Variants in PIKFYVE observed in about 807,000 individuals in gnomAD.
The protein encoded by PIKFYVE is phosphoinositide kinase, FYVE-type zinc finger containing.
Under a neutral mutation model 257.9 loss-of-function variants are expected in PIKFYVE, and 122 were observed. The observed-to-expected ratio is 0.47, with a 90% CI of 0.41 to 0.55. The LOEUF is 0.55. Ranked by LOEUF, PIKFYVE falls within the 20% of genes least tolerant of loss-of-function variation. The pLI is 0.00. For synonymous variants in PIKFYVE, 892 were observed against 868.9 expected (o/e 1.03, Z -0.47); for missense variants, 2,160 against 2,536.6 (o/e 0.85, Z 3.19).
At chr2:208,351,587 T>C (rs1699777094) in intron 38 of PIKFYVE, 132 bp downstream of exon 38, 1 of 845,554 alleles carries the variant, frequency 1.2e-6, no homozygotes, top group South Asian at 1.3e-5. Flanking sequence ...AGAAAAGAGG[T>C]TTATTTGGCT....
At chr2:208,336,700 A>G in intron 27 of PIKFYVE, 138 bp from the exon 28 acceptor site, 3 of 573,628 alleles carry the variant, frequency 5.2e-6, no homozygotes, top group Non-Finnish European at 9.3e-6. Context: ...ACTCTTATTT[A>G]TATATAACTT....
rs1341770401 is a variant in PIKFYVE, at chr2:208,354,652, A to AG, written c.6181+7_6181+8insG. 6.2e-7 allele frequency: 1 copy of AG among 1,607,154 alleles called. No homozygotes were observed. Among genetic ancestry groups the AG allele is most frequent in the Non-Finnish European group, 8.5e-7 (1 of 1,173,876 alleles). On this transcript the variant is annotated splice_region_variant and intron_variant, in intron 41 of 41. Transcript: ENST00000264380. Reference sequence around the variant, plus strand: ...GGAATTTTAGGTGGACAAGGTGAGAATTTTTGTTTTGTTTAAATTGTTCAC... The same window carrying AG: ...GGAATTTTAGGTGGACAAGGTGAGAAGTTTTTGTTTTGTTTAAATTGTTCAC...
chr2:208,319,877 G>A (rs1033844018), intron 16 of PIKFYVE, among the ~76,000 whole-genome samples: 2 of 151,986 alleles, frequency 1.3e-5, no homozygotes, highest in Non-Finnish European at 2.9e-5. Context: ...ACTAAAATAT[G>A]CTTTTAAAGT....
chr2:208,299,288 T>C (rs1330726989), intron 8 of PIKFYVE, among the ~76,000 whole-genome samples: 2 of 150,804 alleles, frequency 1.3e-5, no homozygotes, highest in Non-Finnish European at 2.9e-5. Context: ...CTTTCTTTCT[T>C]TATTATTATT....
Position 208,326,343 on chromosome 2 carries a change from A to C in PIKFYVE, c.3532A>C (p.Ser1178Arg), listed in dbSNP as rs376424153. The change falls in exon 20 of 42, where the codon AGT becomes CGT. Residue 1178 changes from serine to arginine, a missense_variant. Physicochemically the swap from Ser to Arg is moderately radical, Grantham distance 110. Coordinates refer to ENST00000264380, the MANE Select transcript of PIKFYVE (RefSeq NM_015040.4). ...DPFAHSKDAS[S>R]TSSGQSGSKN... ...TTTTGCTCATTCAAAGGATGCATCA[A>C]GTACTTCAAGTGGCCAATCAGGAAG... is the stretch of plus-strand genomic sequence containing the variant. 1 of 1,613,774 alleles carries C rather than the reference A, an allele frequency of 6.2e-7. No homozygotes were observed. The highest frequency in any genetic ancestry group is 8.5e-7 in the Non-Finnish European group (1 of 1,179,874).
chr2:208,285,273 T>G (rs1274815638), intron 5 of PIKFYVE, among the ~76,000 whole-genome samples: 1 of 152,094 alleles, frequency 6.6e-6, no homozygotes. Context: ...TTTTTGTATT[T>G]TTAGTAGAGA....
chr2:208,338,409 G>T, intron 28 of PIKFYVE, 99 bp from the exon 29 acceptor site: 1 of 1,003,332 alleles, frequency 1.0e-6, no homozygotes. Flanking sequence ...GGTATAAATG[G>T]GTCCTGAGAC....
At chr2:208,353,737 G>A (rs1022069554) in intron 39 of PIKFYVE, among the ~76,000 whole-genome samples, 161 bp from the exon 40 acceptor site, 4 of 152,046 alleles carry the variant, frequency 2.6e-5, no homozygotes, top group South Asian at 2.1e-4. Context: ...ATCACCATGC[G>A]TTTAAAAACT....
At position 208,324,932 on chromosome 2, in the gene PIKFYVE, C is replaced by G; in HGVS notation, c.2353C>G (p.Arg785Gly). 1.2e-6 allele frequency: 2 copies of G among 1,613,914 alleles called. No individual in the cohort carries two copies. The highest frequency in any genetic ancestry group is 1.7e-6 in the Non-Finnish European group (2 of 1,179,904). ...VKSQVLERIS[R>G]MTQGDLVMSM... ...GTAGCAAGTTTTGGAACGAATCAGT[C>G]GAATGACCCAAGGTGATTTAGTGAT... The change falls in exon 19 of 42, where the codon CGA (arginine) becomes GGA (glycine). Residue 785 changes from arginine (R) to glycine (G), a missense_variant. Transcript: ENST00000264380.
At chr2:208,278,817 C>T (rs977572541) in intron 5 of PIKFYVE, among the ~76,000 whole-genome samples, 4 of 152,054 alleles carry the variant, frequency 2.6e-5, no homozygotes, top group Non-Finnish European at 5.9e-5. Context: ...ATTGGTGGCA[C>T]CCAGGTTGAT....
intron 7 of PIKFYVE, among the ~76,000 whole-genome samples, chr2:208,295,920 A>G (rs1383979079): frequency 6.6e-6 from 1 of 152,184 alleles, no homozygotes; most frequent in African/African-American, 2.4e-5. Flanking sequence ...TTCTAAGTCT[A>G]TCATTGCTTT....
At position 208,339,423 on chromosome 2, in the gene PIKFYVE, C is replaced by T. The variant is rs775644602; in HGVS notation, c.4678C>T (p.Arg1560Cys). 13 of 1,614,026 alleles carry T rather than the reference C, an allele frequency of 8.1e-6. No individual in the cohort carries two copies. Among genetic ancestry groups the T allele is most frequent in the South Asian group, 5.5e-5 (5 of 91,080 alleles). ...AAGATTGTGTTTTTCTTTAGAGGATCGCTTCTTAACAACTTTGTCCAGCCA... is the reference window on the plus strand; with the variant it reads ...AAGATTGTGTTTTTCTTTAGAGGATTGCTTCTTAACAACTTTGTCCAGCCA... ...PGLQNGEKED[R>C]FLTTLSSQSS... Residue 1560 changes from arginine (R) to cysteine (C), a missense_variant, in exon 30 of 42, where the codon CGC becomes TGC. Arg to Cys is a radical substitution (Grantham distance 180, BLOSUM62 -3). Coordinates refer to ENST00000264380, the MANE Select transcript of PIKFYVE (RefSeq NM_015040.4).
At chr2:208,314,044 TG>T (rs1258609819) in intron 13 of PIKFYVE, among the ~76,000 whole-genome samples, 1 of 152,270 alleles carries the variant, frequency 6.6e-6, no homozygotes, top group East Asian at 1.9e-4. Flanking sequence ...TTTCTGATTT[TG>T]GCTGTTGCCA....
At chr2:208,268,257 C>T (rs1688928495) in intron 1 of PIKFYVE, among the ~76,000 whole-genome samples, 1 of 152,018 alleles carries the variant, frequency 6.6e-6, no homozygotes, top group Admixed American at 6.6e-5. Flanking sequence ...TTCTTATTTC[C>T]AAAGCCGAGT....
At chr2:208,275,964 A>G (rs994853656) in intron 3 of PIKFYVE, among the ~76,000 whole-genome samples, 1 of 152,256 alleles carries the variant, frequency 6.6e-6, no homozygotes, top group Admixed American at 6.5e-5. Flanking sequence ...TATTTTGGCC[A>G]TGAGGCTGGA....
intron 6 of PIKFYVE, among the ~76,000 whole-genome samples, chr2:208,287,295 GT>G (rs1240945759): frequency 7.0e-6 from 1 of 143,844 alleles, no homozygotes; most frequent in Non-Finnish European, 1.5e-5. Flanking sequence ...TTGAGACAGA[GT>G]TTTTTTTGCT....
rs139343718 is a variant in PIKFYVE at position 208,318,937 on chromosome 2, C to T, written c.2082+996C>T. Among the ~76,000 whole-genome samples, 483 of 119,876 alleles carry T rather than the reference C, an allele frequency of 4.0e-3. 4 individuals are homozygous for T. Among genetic ancestry groups the T allele is most frequent in the African/African-American group, 0.014 (466 of 32,722 alleles). 78.6% of individuals were successfully genotyped at this position (119,876 alleles called of 152,430 possible). A position where few individuals can be genotyped will look rare whatever the true frequency, so the allele number is the denominator to read the frequency against. The stretch of plus-strand genomic sequence containing the variant: ...CTGCAGTGCAGTCTGGGCAACAGAG[C>T]GAGACTCCGTCTCAAAAAAAAAAAA... On this transcript the variant is annotated intron_variant, in intron 16 of 41. Coordinates refer to ENST00000264380, the MANE Select transcript of PIKFYVE (RefSeq NM_015040.4).
intron 31 of PIKFYVE, among the ~76,000 whole-genome samples, chr2:208,340,839 A>G (rs1698626527): frequency 6.6e-6 from 1 of 152,152 alleles, no homozygotes; most frequent in Non-Finnish European, 1.5e-5. Context: ...ATCTTTGGGA[A>G]GATACAGTTA....
intron 5 of PIKFYVE, among the ~76,000 whole-genome samples, chr2:208,285,214 C>T (rs1466887350): frequency 6.6e-6 from 1 of 152,062 alleles, no homozygotes; most frequent in Non-Finnish European, 1.5e-5. Flanking sequence ...TCCTGCCTCA[C>T]CCTCCTGAGT....
Sources: allele counts gnomAD v4.1 joint callset (sites outside exome capture counted in the v4.1 genomes callset), GRCh38; gene constraint gnomAD v4.1.1; transcripts MANE v1.5; gene names NCBI Gene and HGNC (gene_info 2026-07-23, HGNC 2026-07-21).